Variants in NTM observed in about 807,000 individuals in gnomAD.
NTM encodes neurotrimin, also known as IgLON family member 2.
Under a neutral mutation model 42.1 loss-of-function variants are expected in NTM, and 13 were observed. The observed-to-expected ratio is 0.31, with a 90% CI of 0.20 to 0.49. The LOEUF is 0.49. NTM is among the 20% of genes least tolerant of loss of function. NTM has a pLI of 0.99. For missense variants in NTM, 373 were observed against 452.8 expected (o/e 0.82, Z 1.60); for synonymous variants, 187 against 179.2 (o/e 1.04, Z -0.35).
intron 1 of NTM, among the ~76,000 whole-genome samples, chr11:131,396,555 G>A (rs1369290904): frequency 2.0e-5 from 3 of 152,138 alleles, no homozygotes; most frequent in Admixed American, 6.5e-5. Flanking sequence ...ATGGCTGGGC[G>A]CGGTGGCTCA....
chr11:132,072,751 C>T (rs906864306), intron 2 of NTM, among the ~76,000 whole-genome samples: 2 of 152,104 alleles, frequency 1.3e-5, no homozygotes, highest in African/African-American at 4.8e-5. Context: ...ATCCCTGCCA[C>T]CTCCCCGGGA....
intron 1 of NTM, among the ~76,000 whole-genome samples, chr11:131,691,657 T>TGGCAACCCCAGGGCGC (rs1265063509): frequency 1.3e-5 from 2 of 151,974 alleles, no homozygotes; most frequent in South Asian, 2.1e-4. Context: ...CGGGTAAAGA[T>TGGCAACCCCAGGGCGC]GGCAACCCCA....
intron 1 of NTM, among the ~76,000 whole-genome samples, chr11:131,470,437 C>T (rs1455778641): frequency 1.3e-5 from 2 of 152,232 alleles, no homozygotes; most frequent in South Asian, 2.1e-4. Context: ...TAAACACCAA[C>T]ATTTACCAGC....
chr11:132,044,638 C>T (rs1272368870), intron 2 of NTM, among the ~76,000 whole-genome samples: 3 of 152,076 alleles, frequency 2.0e-5, no homozygotes, highest in Non-Finnish European at 4.4e-5. Flanking sequence ...GAACGAGCCT[C>T]CACATTGGGA....
At chr11:131,721,865 C>A (rs1466576529) in intron 1 of NTM, among the ~76,000 whole-genome samples, 1 of 151,418 alleles carries the variant, frequency 6.6e-6, no homozygotes, top group Non-Finnish European at 1.5e-5. Context: ...TAGGCGTGGT[C>A]GTGGGCGCCT....
chr11:131,507,594 A>C (rs1399787102), intron 1 of NTM, among the ~76,000 whole-genome samples: 1 of 150,722 alleles, frequency 6.6e-6, no homozygotes, highest in Non-Finnish European at 1.5e-5. Context: ...TTCTGTGAAG[A>C]AAGTCATTGG....
intron 1 of NTM, among the ~76,000 whole-genome samples, chr11:131,878,594 AATATATATATATATATATATATAT>A (rs201069325): frequency 0.084 from 1,632 of 19,366 alleles, 394 homozygotes; most frequent in East Asian, 0.16. Flanking sequence ...AAAAAAAAAA[AATATATATATATATATATATATAT>A]ATATATATAT....
chr11:132,281,973 T>G (rs1282384250), intron 4 of NTM, among the ~76,000 whole-genome samples: 1 of 152,244 alleles, frequency 6.6e-6, no homozygotes. Flanking sequence ...GCCCACATCT[T>G]ATCATATTGT....
intron 1 of NTM, among the ~76,000 whole-genome samples, chr11:131,874,915 T>C (rs2048337784): frequency 6.6e-6 from 1 of 152,168 alleles, no homozygotes; most frequent in South Asian, 2.1e-4. Context: ...AGAGAGTTTT[T>C]CTATTAACTA....
At chr11:131,444,652 C>A (rs1949901696) in intron 1 of NTM, among the ~76,000 whole-genome samples, 1 of 152,092 alleles carries the variant, frequency 6.6e-6, no homozygotes, top group Non-Finnish European at 1.5e-5. Flanking sequence ...TATGACTATA[C>A]TAGAGCCTTA....
Position 131,668,577 on chromosome 11 carries a change from T to G in NTM, c.83-242987T>G, listed in dbSNP as rs78576837. On this transcript the variant is annotated intron_variant, in intron 1 of 8. Coordinates refer to ENST00000683400, the MANE Select transcript of NTM (RefSeq NM_001352005.2). ...ATATAATGAGTCTAAAGCAGAGACT[T>G]AAGATGACTCCTTTCTTCCCCCTTC... Among the ~76,000 whole-genome samples, 714 of 152,168 alleles carry G rather than the reference T, an allele frequency of 4.7e-3. 3 individuals are homozygous for G. The highest frequency in any genetic ancestry group is 0.01 in the Middle Eastern group (3 of 294).
At chr11:131,652,165 A>G (rs948395014) in intron 1 of NTM, among the ~76,000 whole-genome samples, 3 of 152,216 alleles carry the variant, frequency 2.0e-5, no homozygotes, top group Admixed American at 6.5e-5. Context: ...ATGGAAATGT[A>G]AAAGAAGATT....
intron 1 of NTM, among the ~76,000 whole-genome samples, chr11:131,878,590 AAAAAATATATATATATATAT>A (rs1443382781): frequency 3.2e-5 from 1 of 31,478 alleles, no homozygotes; most frequent in Non-Finnish European, 6.5e-5. Context: ...AAAAAAAAAA[AAAAAATATATATATATATAT>A]ATATATATAT....
At position 132,003,233 on chromosome 11, in the gene NTM, C is replaced by A. The variant is rs1368332867; in HGVS notation, c.167+91585C>A. Among the ~76,000 whole-genome samples the A allele has an allele frequency of 6.7e-6, 1 of 149,856 alleles. No individual in the cohort carries two copies. Among genetic ancestry groups the A allele is most frequent in the Non-Finnish European group, 1.5e-5 (1 of 67,884 alleles). On this transcript the variant is annotated intron_variant, in intron 2 of 8. Transcript: ENST00000683400. This position sits in a 1 kb window ranked among gnomAD's most constrained non-coding sequence, Gnocchi z 6.0. ...GGCTTGTTGAATCCGGATTCCTCCA[C>A]CCACACCCTTAGAGTTTTTTTTTCT...
At chr11:131,818,904 T>C (rs879684477) in intron 1 of NTM, among the ~76,000 whole-genome samples, 6 of 152,234 alleles carry the variant, frequency 3.9e-5, no homozygotes, top group Non-Finnish European at 8.8e-5. Context: ...GTACCATTTA[T>C]GCTGGTTGTT....
chr11:132,299,810 C>G (rs1424495384), intron 4 of NTM, among the ~76,000 whole-genome samples: 1 of 152,066 alleles, frequency 6.6e-6, no homozygotes, highest in African/African-American at 2.4e-5. Flanking sequence ...TTAAATTTGC[C>G]CATTTTTGGC....
intron 1 of NTM, among the ~76,000 whole-genome samples, chr11:131,635,397 GTGTT>G (rs994021309): frequency 2.7e-4 from 41 of 152,096 alleles, no homozygotes; most frequent in Admixed American, 1.5e-3. Flanking sequence ...GCTAATGTGT[GTGTT>G]TGTGTCTTAG....
chr11:131,523,569 A>G (rs1239532958), intron 1 of NTM, among the ~76,000 whole-genome samples: 4 of 152,110 alleles, frequency 2.6e-5, no homozygotes, highest in Admixed American at 1.3e-4. Context: ...TGGGCAGATC[A>G]CTTAAGGTCA....
chr11:132,266,641 T>G (rs1411037332), intron 4 of NTM, among the ~76,000 whole-genome samples: 3 of 152,186 alleles, frequency 2.0e-5, no homozygotes, highest in Non-Finnish European at 4.4e-5. Context: ...GAATGAGGTT[T>G]TATTGCTGTT....
Sources: allele counts gnomAD v4.1 joint callset (sites outside exome capture counted in the v4.1 genomes callset), GRCh38; gene constraint gnomAD v4.1.1; non-coding constraint Gnocchi (gnomAD v3.1); transcripts MANE v1.5; gene names NCBI Gene and HGNC (gene_info 2026-07-23, HGNC 2026-07-21).